Variants in COL6A1 observed in about 807,000 individuals in gnomAD.
COL6A1 encodes collagen type VI alpha 1 chain.
COL6A1 carries 80 observed loss-of-function variants against 145.6 expected under a neutral mutation model. The ratio of observed to expected loss-of-function variants is 0.55; its 90% confidence interval spans 0.46 to 0.66. COL6A1 has a LOEUF of 0.66. Among genes scored for constraint, COL6A1 ranks in the 30% least tolerant of loss-of-function variants. COL6A1 has a pLI of 0.00. For synonymous variants in COL6A1, 638 were observed against 622.8 expected, an observed-to-expected ratio of 1.02 and a Z score of -0.36; for missense variants, 1,364 against 1,473.8, an observed-to-expected ratio of 0.93 and a Z score of 1.22.
At chr21:45,995,160 A>G (rs2077797858) in intron 20 of COL6A1, among the ~76,000 whole-genome samples, 1 of 152,304 alleles carries the variant, frequency 6.6e-6, no homozygotes, top group Admixed American at 6.5e-5. Flanking sequence ...TGTGTCATAG[A>G]TGAGGACCAG....
At chr21:45,983,267 G>A (rs1332780920) in intron 2 of COL6A1, among the ~76,000 whole-genome samples, 1 of 152,180 alleles carries the variant, frequency 6.6e-6, no homozygotes, top group Non-Finnish European at 1.5e-5. Context: ...TGCAGCCCCA[G>A]GGCCCCCAGG....
chr21:45,999,462 C>T (rs2077825642), intron 26 of COL6A1, 195 bp from the exon 27 acceptor site: 2 of 758,194 alleles, frequency 2.6e-6, no homozygotes, highest in African/African-American at 1.7e-5. Context: ...CTGGGATGGC[C>T]GCCTGGACCA....
At chr21:45,985,526 C>A (rs2077734529) in intron 3 of COL6A1, among the ~76,000 whole-genome samples, 1 of 152,208 alleles carries the variant, frequency 6.6e-6, no homozygotes, top group South Asian at 2.1e-4. Flanking sequence ...ACTCATCAGA[C>A]CCGAAGCATG....
rs374700236 is a variant in COL6A1, at chr21:45,989,797, C to T, written c.930+19C>T. The T allele has an allele frequency of 7.9e-5, 127 of 1,612,644 alleles. No individual in the cohort carries two copies. Among genetic ancestry groups the T allele is most frequent in the Middle Eastern group, 1.6e-4 (1 of 6,084 alleles). On this transcript the variant is annotated intron_variant, in intron 11 of 34. Transcript: ENST00000361866. ...GGAGAAGGTGAGTGAGGCTCGACCT[C>T]GGAGCTGGTCTCTCCAGGCGCAGAT...
At chr21:45,999,920 GACATGTGA>G (rs2077830327) in intron 27 of COL6A1, among the ~76,000 whole-genome samples, 1 of 144,688 alleles carries the variant, frequency 6.9e-6, no homozygotes, top group Non-Finnish European at 1.5e-5. Context: ...GATCATGGGG[GACATGTGA>G]GGATCATGGG....
chr21:45,997,519 G>GC (rs749128231), intron 21 of COL6A1, 36 bp downstream of exon 21: 342 of 1,453,426 alleles, frequency 2.4e-4, no homozygotes, highest in Non-Finnish European at 2.9e-4. Flanking sequence ...CGCCCACCCA[G>GC]GGGGGCCTGA....
Position 45,998,184 on chromosome 21 carries a change from A to G in COL6A1, c.1575+13A>G. ...CCCCGGCTTCCCCGTAAGTGTCCGG[A>G]GGCTGAGCCCACAGGAACATGCCCA... On this transcript the variant is annotated intron_variant, in intron 23 of 34. Transcript: ENST00000361866. 1 of 1,611,440 alleles carries G rather than the reference A, an allele frequency of 6.2e-7. No homozygotes were observed. The highest frequency in any genetic ancestry group is 1.3e-5 in the African/African-American group (1 of 74,974).
intron 8 of COL6A1, 117 bp from the exon 9 acceptor site, chr21:45,988,967 T>G: frequency 8.0e-7 from 1 of 1,247,434 alleles, no homozygotes; most frequent in Non-Finnish European, 1.1e-6. Context: ...GGGAAGGTGC[T>G]TTAAAGCCCT....
At chr21:45,988,142 T>G (rs868012212) in intron 8 of COL6A1, among the ~76,000 whole-genome samples, 2 of 1,512 alleles carry the variant, frequency 1.3e-3, no homozygotes, top group Non-Finnish European at 1.1e-3. Context: ...GGGGACGGCG[T>G]GGTCCAGATG....
chr21:46,004,849 G>A lies in COL6A1; in HGVS notation c.*836G>A. On this transcript the variant is annotated 3_prime_UTR_variant, in exon 35 of 35. Coordinates refer to ENST00000361866, the MANE Select transcript of COL6A1 (RefSeq NM_001848.3). ...TCCCGCAGAGACTGGGGCCTGGACT[G>A]GACATGAGAGCCCCTTGGTGCCACA... 4.9e-6 allele frequency: 1 copy of A among 202,492 alleles called. No homozygotes were observed. Among genetic ancestry groups the A allele is most frequent in the Admixed American group, 5.4e-5 (1 of 18,586 alleles). 12.5% of individuals were successfully genotyped at this position (202,492 alleles called of 1,614,324 possible). A position where few individuals can be genotyped will look rare whatever the true frequency, so the allele number is the denominator to read the frequency against.
In COL6A1 at chr21:45,984,342, C is replaced by T; in HGVS notation, c.301C>T (p.Gln101Ter). ...LHYSDEVEII[Q>*]GLTRMPGGRD... is the part of the protein sequence containing the mutation. ...CTACAGTGACGAGGTGGAGATCATCCAAGGCCTCACGCGCATGCCTGGCGG... is the reference window on the plus strand; with the variant it reads ...CTACAGTGACGAGGTGGAGATCATCTAAGGCCTCACGCGCATGCCTGGCGG... Residue 101 changes from glutamine to a stop codon, truncating the protein, a stop_gained, in exon 3 of 35, where the codon CAA (glutamine) becomes TAA (stop). Transcript: ENST00000361866. LOFTEE classifies it high-confidence loss of function. The T allele has an allele frequency of 1.2e-6, 2 of 1,612,488 alleles. No individual in the cohort carries two copies. Among genetic ancestry groups the T allele is most frequent in the Non-Finnish European group, 1.7e-6 (2 of 1,179,840 alleles).
chr21:45,997,328 T>C, intron 20 of COL6A1, 93 bp from the exon 21 acceptor site: 1 of 1,185,584 alleles, frequency 8.4e-7, no homozygotes, highest in Non-Finnish European at 1.3e-6. Flanking sequence ...GGGGCCCTGA[T>C]GCCTCTTGGT....
chr21:45,986,987 G>T lies in COL6A1; in HGVS notation c.632G>T (p.Arg211Leu). ...SIIATDHTYR[R>L]NFTAADWGQS... ...ATCGCCACGGACCACACGTACCGGC[G>T]CAACTTCACGGCGGCTGACTGGGGC... The change falls in exon 5 of 35, where the codon CGC becomes CTC. Residue 211 changes from arginine to leucine, a missense_variant. Transcript: ENST00000361866. 6.4e-7 allele frequency: 1 copy of T among 1,551,896 alleles called. No homozygotes were observed. The highest frequency in any genetic ancestry group is 1.4e-5 in the African/African-American group (1 of 73,434).
Position 45,992,204 on chromosome 21 carries a change from A to T in COL6A1, c.1223A>T (p.Glu408Val). 6.2e-7 allele frequency: 1 copy of T among 1,613,514 alleles called. No individual in the cohort carries two copies. Among genetic ancestry groups the T allele is most frequent in the Non-Finnish European group, 8.5e-7 (1 of 1,179,958 alleles). ...GEPGPPGEKG[E>V]AGDEGNPGPD... ...CCTGGGCCCCCCGGAGAGAAAGGAGAGGCGGGCGACGAGGTGAGTGAGGGC... is the reference window on the plus strand; with the variant it reads ...CCTGGGCCCCCCGGAGAGAAAGGAGTGGCGGGCGACGAGGTGAGTGAGGGC... Residue 408 changes from glutamate (E) to valine (V), a missense_variant, in exon 17 of 35, where the codon GAG becomes GTG. This residue lies in a region of COL6A1 where 938 missense variants were observed against 1,003.8 expected (regional missense o/e 0.93). Coordinates refer to ENST00000361866, the MANE Select transcript of COL6A1 (RefSeq NM_001848.3).
rs761329157 is a variant in COL6A1, at chr21:46,003,539, G to A, written c.2613G>A (p.Val871=). 6.2e-7 allele frequency: 1 copy of A among 1,612,014 alleles called. No individual in the cohort carries two copies. Among genetic ancestry groups the A allele is most frequent in the South Asian group, 1.1e-5 (1 of 91,018 alleles). ...TAGRTDPAHD[V]RVAVVQYSGT... is the part of the protein sequence containing the mutation. ...GCAGGACGGACCCCGCCCACGACGT[G>A]CGGGTGGCGGTGGTGCAGTACAGCG... Residue 871 remains valine, a synonymous_variant, in exon 35 of 35, where the codon GTG becomes GTA. Coordinates refer to ENST00000361866, the MANE Select transcript of COL6A1 (RefSeq NM_001848.3).
chr21:45,999,924 T>TTGGGGGGACCC (rs2077830503), intron 27 of COL6A1, among the ~76,000 whole-genome samples: 2 of 19,436 alleles, frequency 1.0e-4, no homozygotes, highest in African/African-American at 1.9e-4. Flanking sequence ...ATGGGGGACA[T>TTGGGGGGACCC]GTGAGGATCA....
At position 46,001,341 on chromosome 21, in the gene COL6A1, C is replaced by T. The variant is rs552239546; in HGVS notation, c.1911C>T (p.Phe637=). The change falls in exon 30 of 35, where the codon TTC becomes TTT. Residue 637 remains phenylalanine, a synonymous_variant. Coordinates refer to ENST00000361866, the MANE Select transcript of COL6A1 (RefSeq NM_001848.3). ...GLQNFEIAKD[F]VVKVIDRLSR... is the part of the protein sequence containing the mutation. ...AGAACTTCGAGATTGCCAAGGACTT[C>T]GTCGTCAAGGTCATCGACCGGCTGA... The T allele has an allele frequency of 6.8e-6, 11 of 1,612,840 alleles. No homozygotes were observed. The highest frequency in any genetic ancestry group is 1.6e-4 in the Middle Eastern group (1 of 6,062).
Position 46,002,609 on chromosome 21 carries a change from C to T in COL6A1, c.2333C>T (p.Ala778Val), listed in dbSNP as rs1428157627. 33 of 1,613,996 alleles carry T rather than the reference C, an allele frequency of 2.0e-5. No individual in the cohort carries two copies. Among genetic ancestry groups the T allele is most frequent in the African/African-American group, 2.7e-5 (2 of 74,952 alleles). ...AATGTCATTTCTTGCCAAGGCCTGG[C>T]ACCATCCCAGGGCCGGCCCGGCCTC... Reference protein sequence around the residue: ...QLNVISCQGLAPSQGRPGLSL... With the variant: ...QLNVISCQGLVPSQGRPGLSL... Residue 778 changes from alanine to valine, a missense_variant, in exon 33 of 35, where the codon GCA (alanine) becomes GTA (valine). By Grantham distance (64) the Ala-to-Val change is moderately conservative (BLOSUM62 0). Transcript: ENST00000361866.
chr21:45,994,275 T>G lies in COL6A1; in HGVS notation c.1398+46T>G, dbSNP rs555566629. On this transcript the variant is annotated intron_variant, in intron 20 of 34. Coordinates refer to ENST00000361866, the MANE Select transcript of COL6A1 (RefSeq NM_001848.3). The surrounding 1 kb of genome is among the most constrained non-coding windows in gnomAD (Gnocchi z 6.8). Reference sequence around the variant, plus strand: ...GGGGGGCGTTGGCCAATTTGGGTTTTGGGGGTAGAAGTGCTCCAGCAGCTC... The same window carrying G: ...GGGGGGCGTTGGCCAATTTGGGTTTGGGGGGTAGAAGTGCTCCAGCAGCTC... The G allele has an allele frequency of 1.0e-4, 164 of 1,569,538 alleles. 3 individuals are homozygous for G. In the South Asian group the frequency reaches 1.3e-3, roughly 13 times the overall value.
Sources: gnomAD v4.1 joint callset for allele counts (sites outside exome capture counted in the v4.1 genomes callset) on GRCh38, gnomAD v4.1.1 for gene constraint, gnomAD v4.1.1 regional missense constraint, Gnocchi (gnomAD v3.1) non-coding constraint, MANE v1.5 for transcripts, NCBI Gene and HGNC (gene_info 2026-07-23, HGNC 2026-07-21) for gene names.